STXBP6: variants seen among roughly 807,000 people sequenced by gnomAD.
The protein encoded by STXBP6 is syntaxin-binding protein 6.
A neutral mutation model predicts 26.9 loss-of-function variants in STXBP6; 21 were observed. The ratio of observed to expected loss-of-function variants is 0.78; its 90% confidence interval spans 0.55 to 1.12. The LOEUF is 1.12. Among genes scored for constraint, STXBP6 ranks in the 50% most tolerant of loss-of-function variants. The pLI is 0.00. For missense variants in STXBP6, 232 were observed against 257.9 expected (o/e 0.90, Z 0.69); for synonymous variants, 97 against 92.6 (o/e 1.05, Z -0.27).
intron 4 of STXBP6, among the ~76,000 whole-genome samples, chr14:24,842,087 T>C (rs1459673113): frequency 1.3e-5 from 2 of 152,206 alleles, no homozygotes; most frequent in African/African-American, 4.8e-5. Flanking sequence ...TCTGAGGCTC[T>C]TGTTCTGGGT....
chr14:24,957,274 C>T (rs4983043), intron 2 of STXBP6, among the ~76,000 whole-genome samples: 77,250 of 151,710 alleles, frequency 0.51, 20,335 homozygotes, highest in African/African-American at 0.66. Flanking sequence ...TTGAAGGACA[C>T]TTGTAAGCAT....
intron 2 of STXBP6, among the ~76,000 whole-genome samples, chr14:24,947,935 A>G (rs1490223029): frequency 6.6e-6 from 1 of 152,196 alleles, no homozygotes; most frequent in Non-Finnish European, 1.5e-5. Context: ...TGCCTTCACA[A>G]AGATTGCTCA....
chr14:24,830,197 G>T (rs946505881), intron 4 of STXBP6, among the ~76,000 whole-genome samples: 4 of 152,032 alleles, frequency 2.6e-5, no homozygotes, highest in Admixed American at 6.6e-5. Flanking sequence ...ATAGACCATG[G>T]TAATGAGAGA....
At chr14:24,989,806 A>C (rs539151478) in intron 1 of STXBP6, among the ~76,000 whole-genome samples, 3 of 152,218 alleles carry the variant, frequency 2.0e-5, no homozygotes, top group Non-Finnish European at 2.9e-5. Flanking sequence ...CCCAGGTATG[A>C]CGTGTCTTTC....
chr14:25,021,270 C>T (rs2075258437), intron 1 of STXBP6, among the ~76,000 whole-genome samples: 1 of 152,158 alleles, frequency 6.6e-6, no homozygotes, highest in African/African-American at 2.4e-5. Context: ...TCAGATTCCA[C>T]TCCATCCTAC....
chr14:24,893,068 A>G (rs2070850625), intron 2 of STXBP6, among the ~76,000 whole-genome samples: 1 of 152,170 alleles, frequency 6.6e-6, no homozygotes, highest in Non-Finnish European at 1.5e-5. Context: ...GGTGCACACA[A>G]CCTGACCACT....
chr14:24,998,197 C>T (rs2074655744), intron 1 of STXBP6, among the ~76,000 whole-genome samples: 1 of 151,974 alleles, frequency 6.6e-6, no homozygotes, highest in Admixed American at 6.5e-5. Context: ...TAGTTGTTGC[C>T]AATCTGATAA....
chr14:24,884,510 TAAAC>T (rs775713331), intron 2 of STXBP6, among the ~76,000 whole-genome samples: 46 of 152,184 alleles, frequency 3.0e-4, no homozygotes, highest in South Asian at 2.3e-3. Flanking sequence ...CCAAAAGCAA[TAAAC>T]AAACAAACAA....
At chr14:25,036,626 G>A (rs956313662) in intron 1 of STXBP6, among the ~76,000 whole-genome samples, 2 of 151,992 alleles carry the variant, frequency 1.3e-5, no homozygotes, top group African/African-American at 2.4e-5. Context: ...AGGCTGAGGC[G>A]GGCCGATCGT....
Position 24,812,612 on chromosome 14 carries a change from G to A in STXBP6, c.*97C>T. The stretch of plus-strand genomic sequence containing the variant: ...AACCACTCTAAGTGTCCAAATATTG[G>A]AAAAAAAGAAGCAAGCGGAGGTCCC... On this transcript the variant is annotated 3_prime_UTR_variant, in exon 6 of 6. Transcript: ENST00000323944. 1 of 1,238,956 alleles carries A rather than the reference G, an allele frequency of 8.1e-7. No individual in the cohort carries two copies. Among genetic ancestry groups the A allele is most frequent in the Non-Finnish European group, 1.2e-6 (1 of 853,094 alleles). 76.7% of individuals were successfully genotyped at this position (1,238,956 alleles called of 1,614,324 possible).
intron 2 of STXBP6, among the ~76,000 whole-genome samples, chr14:24,915,828 T>C (rs928998160): frequency 1.3e-5 from 2 of 152,038 alleles, no homozygotes; most frequent in African/African-American, 4.8e-5. Flanking sequence ...AGAACAAAAA[T>C]AGATAAAATG....
intron 4 of STXBP6, among the ~76,000 whole-genome samples, chr14:24,832,483 C>T (rs1191940432): frequency 1.3e-5 from 2 of 152,192 alleles, no homozygotes; most frequent in Non-Finnish European, 2.9e-5. Flanking sequence ...GGAATTTTTA[C>T]CATCTCTCTG....
chr14:24,999,814 G>C (rs60667968), intron 1 of STXBP6, among the ~76,000 whole-genome samples: 6,045 of 152,200 alleles, frequency 0.04, 205 homozygotes, highest in East Asian at 0.17. Flanking sequence ...AAGTTCACAG[G>C]AGTAAACTGA....
At chr14:24,883,519 A>G (rs2070452511) in intron 2 of STXBP6, among the ~76,000 whole-genome samples, 2 of 152,224 alleles carry the variant, frequency 1.3e-5, no homozygotes, top group South Asian at 4.1e-4. Flanking sequence ...TATGACATAA[A>G]CCATGGAGAC....
intron 1 of STXBP6, among the ~76,000 whole-genome samples, chr14:24,978,052 G>A (rs1052720567): frequency 9.9e-5 from 15 of 152,174 alleles, no homozygotes; most frequent in African/African-American, 3.6e-4. Context: ...TGTTTTTAAT[G>A]TCACCCTGGG....
At chr14:25,045,223 C>A (rs1566583711) in intron 1 of STXBP6, among the ~76,000 whole-genome samples, 1 of 152,014 alleles carries the variant, frequency 6.6e-6, no homozygotes, top group African/African-American at 2.4e-5. Context: ...TAAATGTAAC[C>A]AAGTTTTTGT....
chr14:24,886,965 C>T (rs1312903471), intron 2 of STXBP6, among the ~76,000 whole-genome samples: 1 of 152,158 alleles, frequency 6.6e-6, no homozygotes, highest in Non-Finnish European at 1.5e-5. Context: ...GTCATGAAAT[C>T]CCTTGCATTG....
At chr14:25,021,435 C>G (rs1466315107) in intron 1 of STXBP6, among the ~76,000 whole-genome samples, 2 of 152,144 alleles carry the variant, frequency 1.3e-5, no homozygotes, top group African/African-American at 2.4e-5. Context: ...TAGTTACTGC[C>G]TTATTTATCA....
chr14:25,049,426 T>C lies in STXBP6; in HGVS notation c.-33+452A>G. 2 of 985,344 alleles carry C rather than the reference T, an allele frequency of 2.0e-6. No homozygotes were observed. Among genetic ancestry groups the C allele is most frequent in the Non-Finnish European group, 2.4e-6 (2 of 829,920 alleles). 61.0% of individuals were successfully genotyped at this position (985,344 alleles called of 1,614,324 possible). A position where few individuals can be genotyped will look rare whatever the true frequency, so the allele number is the denominator to read the frequency against. The stretch of plus-strand genomic sequence containing the variant: ...TAGAAGATGCCAGAGTTCGCGAAGA[T>C]CGGAGTGATTCGCGGATTTCTGCGC... On this transcript the variant is annotated intron_variant, in intron 1 of 5. Transcript: ENST00000323944. The surrounding 1 kb of genome is among the most constrained non-coding windows in gnomAD (Gnocchi z 5.6).
Sources: gnomAD v4.1 joint callset for allele counts (sites outside exome capture counted in the v4.1 genomes callset) on GRCh38, gnomAD v4.1.1 for gene constraint, Gnocchi (gnomAD v3.1) non-coding constraint, MANE v1.5 for transcripts, NCBI Gene and HGNC (gene_info 2026-07-23, HGNC 2026-07-21) for gene names.